Variants in SNTG2 observed in about 807,000 individuals in gnomAD.
SNTG2 encodes the protein syntrophin gamma 2, also known as gamma-2-syntrophin.
A neutral mutation model predicts 70.9 loss-of-function variants in SNTG2; 74 were observed. The observed-to-expected ratio is 1.04, with a 90% confidence interval of 0.86 to 1.27. SNTG2 has a LOEUF of 1.27. SNTG2 is among the 50% of genes most tolerant of loss of function. SNTG2 has a pLI of 0.00. For synonymous variants in SNTG2, 278 were observed against 273.8 expected (o/e 1.02, Z -0.15); for missense variants, 717 against 690.7 (o/e 1.04, Z -0.43).
chr2:1,142,103 T>C (rs926857819), intron 6 of SNTG2, among the ~76,000 whole-genome samples: 2 of 152,192 alleles, frequency 1.3e-5, no homozygotes, highest in Admixed American at 1.3e-4. Context: ...GAACTGACTC[T>C]CTCCCTGAAA....
intron 15 of SNTG2, among the ~76,000 whole-genome samples, chr2:1,312,742 TC>T (rs1428788563): frequency 9.2e-5 from 14 of 152,216 alleles, no homozygotes; most frequent in Non-Finnish European, 8.8e-5. Flanking sequence ...TGGTGCAGAC[TC>T]TCACAAGAGT....
At chr2:978,149 AG>A (rs1415439323) in intron 1 of SNTG2, among the ~76,000 whole-genome samples, 2 of 152,134 alleles carry the variant, frequency 1.3e-5, no homozygotes, top group African/African-American at 2.4e-5. Context: ...TGAAGGCGAG[AG>A]GGGGCAAAGG....
chr2:1,154,190 G>T (rs912981528), intron 6 of SNTG2, among the ~76,000 whole-genome samples: 1 of 152,022 alleles, frequency 6.6e-6, no homozygotes, highest in Non-Finnish European at 1.5e-5. Flanking sequence ...GAGCATGGTT[G>T]GGGGGAGAAG....
chr2:1,196,738 A>G (rs556329859), intron 8 of SNTG2, among the ~76,000 whole-genome samples: 6 of 152,122 alleles, frequency 3.9e-5, no homozygotes, highest in Non-Finnish European at 5.9e-5. Flanking sequence ...CAAAGTACTA[A>G]AAGAAAAAAA....
chr2:1,004,644 A>G (rs1270299207), intron 1 of SNTG2, among the ~76,000 whole-genome samples: 2 of 152,336 alleles, frequency 1.3e-5, no homozygotes, highest in African/African-American at 2.4e-5. Context: ...GCTAAAATCC[A>G]AAACGCTGAC....
In SNTG2 at chr2:1,069,515, G is replaced by A. The variant is rs191266736; in HGVS notation, c.73-14003G>A. ...AAAAAAAAAAAAACAAAAACAGGCT[G>A]GGCGCAGTGGCTCATGCCTGTAATC... On this transcript the variant is annotated intron_variant, in intron 1 of 16. Transcript: ENST00000308624. Among the ~76,000 whole-genome samples the A allele has an allele frequency of 1.4e-3, 209 of 151,616 alleles. 1 individual carries two copies. Among genetic ancestry groups the A allele is most frequent in the Admixed American group, 1.8e-3 (28 of 15,232 alleles).
chr2:1,270,263 G>A lies in SNTG2; in HGVS notation c.1284+2692G>A, dbSNP rs533552671. Among the ~76,000 whole-genome samples, 104 of 152,214 alleles carry A rather than the reference G, an allele frequency of 6.8e-4. 1 individual carries two copies. The highest frequency in any genetic ancestry group is 2.5e-3 in the African/African-American group (103 of 41,522). On this transcript the variant is annotated intron_variant, in intron 14 of 16. Coordinates refer to ENST00000308624, the MANE Select transcript of SNTG2 (RefSeq NM_018968.4). ...TTAGATGGACTCACTCCCTCTTCAT[G>A]AATTAGAGAAAATACTTCTCCAAAA...
intron 1 of SNTG2, among the ~76,000 whole-genome samples, chr2:965,591 C>A (rs188284703): frequency 0.022 from 3,321 of 151,850 alleles, 54 homozygotes; most frequent in Non-Finnish European, 0.031. Context: ...CTGTGGCCCC[C>A]TCCTCCTCCG....
intron 8 of SNTG2, among the ~76,000 whole-genome samples, chr2:1,205,042 T>C (rs1382923165): frequency 3.9e-5 from 6 of 152,190 alleles, no homozygotes; most frequent in Non-Finnish European, 8.8e-5. Context: ...ATGAGAAATA[T>C]ACAAAATGGG....
intron 6 of SNTG2, among the ~76,000 whole-genome samples, chr2:1,157,433 C>T (rs1408157490): frequency 1.3e-5 from 2 of 151,324 alleles, no homozygotes; most frequent in Non-Finnish European, 2.9e-5. Flanking sequence ...CCCCCAGACA[C>T]TCACACGTGC....
intron 6 of SNTG2, 62 bp downstream of exon 6, chr2:1,137,871 C>A: frequency 6.9e-7 from 1 of 1,449,224 alleles, no homozygotes; most frequent in Non-Finnish European, 9.7e-7. Flanking sequence ...TTATTTGTCT[C>A]TATAGTTGAT....
At chr2:1,281,547 T>C (rs1349055598) in intron 14 of SNTG2, among the ~76,000 whole-genome samples, 2 of 150,420 alleles carry the variant, frequency 1.3e-5, no homozygotes, top group East Asian at 3.9e-4. Flanking sequence ...GGTGTGTGTG[T>C]ATGTGGTGTG....
At chr2:1,331,114 T>G (rs555694135) in intron 16 of SNTG2, among the ~76,000 whole-genome samples, 26 of 152,322 alleles carry the variant, frequency 1.7e-4, no homozygotes, top group African/African-American at 6.0e-4. Flanking sequence ...AGGGATGCTC[T>G]GTGAGGCCAC....
chr2:1,010,749 C>T (rs1346230595), intron 1 of SNTG2, among the ~76,000 whole-genome samples: 2 of 152,174 alleles, frequency 1.3e-5, no homozygotes, highest in African/African-American at 4.8e-5. Context: ...TCTGCTGCTC[C>T]CGGAGCCATT....
At chr2:1,363,300 G>A (rs926663490) in intron 16 of SNTG2, among the ~76,000 whole-genome samples, 4 of 152,134 alleles carry the variant, frequency 2.6e-5, no homozygotes, top group African/African-American at 9.7e-5. Context: ...CAAGGATAAC[G>A]GTTTCAAAAC....
chr2:1,326,699 A>G (rs988171084), intron 16 of SNTG2, among the ~76,000 whole-genome samples: 4 of 152,198 alleles, frequency 2.6e-5, no homozygotes, highest in African/African-American at 9.6e-5. Context: ...AACAAAAAAA[A>G]TCACCTTTGC....
At chr2:1,060,351 G>T (rs75504000) in intron 1 of SNTG2, among the ~76,000 whole-genome samples, 1 of 152,144 alleles carries the variant, frequency 6.6e-6, no homozygotes, top group Non-Finnish European at 1.5e-5. Flanking sequence ...ATTAATACAC[G>T]TGTGTATGTG....
intron 1 of SNTG2, among the ~76,000 whole-genome samples, chr2:1,012,986 G>A (rs1287975084): frequency 2.0e-5 from 1 of 49,780 alleles, no homozygotes; most frequent in Admixed American, 2.1e-4. Flanking sequence ...GTCTGTAGAG[G>A]GATTTATATG....
intron 4 of SNTG2, among the ~76,000 whole-genome samples, chr2:1,135,736 AAAAC>A (rs1217734558): frequency 4.6e-5 from 7 of 152,328 alleles, no homozygotes; most frequent in East Asian, 3.9e-4. Flanking sequence ...ACAAAACAAA[AAAAC>A]AAAGACATTA....
Sources: gnomAD v4.1 joint callset for allele counts (sites outside exome capture counted in the v4.1 genomes callset) on GRCh38, gnomAD v4.1.1 for gene constraint, MANE v1.5 for transcripts, NCBI Gene and HGNC (gene_info 2026-07-23, HGNC 2026-07-21) for gene names.